The following PCDHGB4 variants were observed in gnomAD, a reference collection of about 807,000 sequenced individuals.
The protein encoded by PCDHGB4 is protocadherin gamma subfamily B, 4.
In PCDHGB4, 38 loss-of-function variants were observed where a neutral mutation model predicts 60.5. That is an observed-to-expected ratio of 0.63 (90% CI 0.48 to 0.82). The LOEUF is 0.82. Ranked by LOEUF, PCDHGB4 falls within the 40% of genes least tolerant of loss-of-function variation. The pLI is 0.00. For synonymous variants in PCDHGB4, 456 were observed against 509.7 expected (o/e 0.89, Z 1.42); for missense variants, 1,109 against 1,209.6 (o/e 0.92, Z 1.23).
chr5:141,400,571 C>T (rs781701893), intron 1 of PCDHGB4: 1 of 1,612,704 alleles, frequency 6.2e-7, no homozygotes, highest in South Asian at 1.1e-5. Context: ...ACCCAATTTT[C>T]TGTATTTACA....
intron 1 of PCDHGB4, among the ~76,000 whole-genome samples, chr5:141,406,594 G>A (rs1463823326): frequency 1.3e-5 from 2 of 152,068 alleles, no homozygotes; most frequent in Non-Finnish European, 2.9e-5. Context: ...CCCTTTAATG[G>A]TGAAAGTTGT....
At chr5:141,406,173 T>C (rs1317526026) in intron 1 of PCDHGB4, among the ~76,000 whole-genome samples, 2 of 151,712 alleles carry the variant, frequency 1.3e-5, no homozygotes, top group African/African-American at 4.8e-5. Context: ...CCTGGGCTTA[T>C]GCAATCCTCC....
intron 1 of PCDHGB4, among the ~76,000 whole-genome samples, chr5:141,465,031 C>T (rs933448980): frequency 1.3e-5 from 2 of 151,958 alleles, no homozygotes; most frequent in Non-Finnish European, 1.5e-5. Context: ...CATGAACCAC[C>T]ACAAATGACC....
At position 141,419,228 on chromosome 5, in the gene PCDHGB4, T is replaced by G. The variant is rs761014077; in HGVS notation, c.2397+28947T>G. The G allele has an allele frequency of 2.5e-6, 4 of 1,613,874 alleles. No individual in the cohort carries two copies. The East Asian group carries it at 8.9e-5, about 36-fold the overall frequency. On this transcript the variant is annotated intron_variant, in intron 1 of 3. Coordinates refer to ENST00000519479, the MANE Select transcript of PCDHGB4 (RefSeq NM_003736.4). Reference sequence around the variant, plus strand: ...CGCGCCGGTTTTCGGACAGTCAGCCTACCTGGTCCACGTGCCAGAAAACAA... The same window carrying G: ...CGCGCCGGTTTTCGGACAGTCAGCCGACCTGGTCCACGTGCCAGAAAACAA...
intron 1 of PCDHGB4, among the ~76,000 whole-genome samples, chr5:141,464,203 T>G (rs2099077714): frequency 6.6e-6 from 1 of 150,780 alleles, no homozygotes; most frequent in South Asian, 2.1e-4. Flanking sequence ...AGGCGGAGAT[T>G]GCAGTGAGCT....
chr5:141,423,348 C>G, intron 1 of PCDHGB4: 1 of 1,614,222 alleles, frequency 6.2e-7, no homozygotes. Flanking sequence ...TCTTCCTGGT[C>G]TTTGTCATCG....
chr5:141,416,722 A>G (rs891558095), intron 1 of PCDHGB4: 3 of 152,258 alleles, frequency 2.0e-5, no homozygotes, highest in Admixed American at 6.5e-5. Context: ...TGATGAGTTC[A>G]TTTAGTTCAA....
rs761543632 is a variant in PCDHGB4, at chr5:141,389,787, G to C, written c.1903G>C (p.Ala635Pro). 3 of 1,613,328 alleles carry C rather than the reference G, an allele frequency of 1.9e-6. No homozygotes were observed. The highest frequency in any genetic ancestry group is 2.5e-6 in the Non-Finnish European group (3 of 1,179,770). ...AGCGCGTGCCTTAGGCGACAGGGAC[G>C]CCGTCCGCCAGCGCCTTCTGGTCGC... ...RTARALGDRD[A>P]VRQRLLVAVR... Residue 635 changes from alanine to proline, a missense_variant, in exon 1 of 4, where the codon GCC becomes CCC. By Grantham distance (27) the Ala-to-Pro change is conservative (BLOSUM62 -1). This residue lies in a region of PCDHGB4 where 1,068 missense variants were observed against 1,089.9 expected (regional missense o/e 0.98). Coordinates refer to ENST00000519479, the MANE Select transcript of PCDHGB4 (RefSeq NM_003736.4).
Position 141,476,383 on chromosome 5 carries a change from C to G in PCDHGB4, c.2398-18424C>G, listed in dbSNP as rs547854431. ...GGGAGACCGGAGAGATGTTTGTGAACGACCGTCTGGATCGAGAGGAGCTGT... is the reference window on the plus strand; with the variant it reads ...GGGAGACCGGAGAGATGTTTGTGAAGGACCGTCTGGATCGAGAGGAGCTGT... On this transcript the variant is annotated intron_variant, in intron 1 of 3. Transcript: ENST00000519479. The surrounding 1 kb of genome is among the most constrained non-coding windows in gnomAD (Gnocchi z 7.6). 1.2e-6 allele frequency: 2 copies of G among 1,614,102 alleles called. No homozygotes were observed. Among genetic ancestry groups the G allele is most frequent in the Middle Eastern group, 3.3e-4 (2 of 6,062 alleles).
intron 1 of PCDHGB4, chr5:141,404,478 CAG>C (rs749664270): frequency 1.9e-6 from 3 of 1,613,412 alleles, no homozygotes; most frequent in Non-Finnish European, 2.5e-6. Context: ...TCTATTAACT[CAG>C]ACACTGGTGT....
At chr5:141,495,279 G>T (rs72790069) in intron 2 of PCDHGB4, among the ~76,000 whole-genome samples, 4 of 152,146 alleles carry the variant, frequency 2.6e-5, no homozygotes, top group Non-Finnish European at 5.9e-5. Context: ...CGGAGGAGGC[G>T]GTCCGCACTC....
intron 1 of PCDHGB4, chr5:141,400,718 A>G (rs2094066078): frequency 3.0e-6 from 2 of 671,700 alleles, no homozygotes; most frequent in Non-Finnish European, 5.0e-6. Flanking sequence ...AGCCTTATAG[A>G]TTTACAAAGT....
intron 1 of PCDHGB4, chr5:141,420,084 A>G (rs1454284559): frequency 2.5e-6 from 4 of 1,613,890 alleles, no homozygotes; most frequent in African/African-American, 1.3e-5. Context: ...GGTCCCCCCA[A>G]CTACAGTGAG....
At chr5:141,508,383 T>C (rs1169318572) in intron 3 of PCDHGB4, 1 of 152,236 alleles carries the variant, frequency 6.6e-6, no homozygotes, top group Non-Finnish European at 1.5e-5. Flanking sequence ...CTCAGATTTA[T>C]AGATGGGAAA....
chr5:141,400,343 A>G, intron 1 of PCDHGB4: 1 of 1,614,026 alleles, frequency 6.2e-7, no homozygotes, highest in South Asian at 1.1e-5. Context: ...CCCCCCAACT[A>G]CAGTCAGGGG....
intron 1 of PCDHGB4, among the ~76,000 whole-genome samples, chr5:141,483,203 A>T (rs940487337): frequency 1.3e-5 from 2 of 152,204 alleles, no homozygotes; most frequent in African/African-American, 2.4e-5. Flanking sequence ...ATTTTATTCC[A>T]TATAGATGAC....
In PCDHGB4 at chr5:141,399,794, C is replaced by A. The variant is rs2093888579; in HGVS notation, c.2397+9513C>A. ...GTGGGCGACCGAAACGACAACGCAC[C>A]GCGGGTGCTGTACCCCGCGCTGGGT... is the stretch of plus-strand genomic sequence containing the variant. On this transcript the variant is annotated intron_variant, in intron 1 of 3. Transcript: ENST00000519479. 1.9e-6 allele frequency: 3 copies of A among 1,613,268 alleles called. No homozygotes were observed. The highest frequency in any genetic ancestry group is 1.1e-5 in the South Asian group (1 of 91,052).
intron 1 of PCDHGB4, chr5:141,410,353 C>T: frequency 1.9e-6 from 3 of 1,614,078 alleles, no homozygotes; most frequent in Non-Finnish European, 2.5e-6. Flanking sequence ...GCCTGCGACG[C>T]TCTCTCAGCC....
intron 1 of PCDHGB4, among the ~76,000 whole-genome samples, chr5:141,449,007 T>A (rs937327801): frequency 3.3e-5 from 5 of 152,116 alleles, no homozygotes; most frequent in African/African-American, 1.2e-4. Context: ...CTGTTTTTTT[T>A]AACAGTTGCT....
Sources: gnomAD v4.1 joint callset for allele counts (sites outside exome capture counted in the v4.1 genomes callset) on GRCh38, gnomAD v4.1.1 for gene constraint, gnomAD v4.1.1 regional missense constraint, Gnocchi (gnomAD v3.1) non-coding constraint, MANE v1.5 for transcripts, NCBI Gene and HGNC (gene_info 2026-07-23, HGNC 2026-07-21) for gene names.